The following ASTN2 variants were observed in gnomAD, a reference collection of about 807,000 sequenced individuals.
ASTN2 encodes the protein astrotactin-2.
A neutral mutation model predicts 139.8 loss-of-function variants in ASTN2; 54 were observed. The ratio of observed to expected loss-of-function variants is 0.39; its 90% CI spans 0.31 to 0.48. The LOEUF is 0.48. Among genes scored for constraint, ASTN2 ranks in the 20% least tolerant of loss-of-function variants. The pLI is 0.95. For missense variants in ASTN2, 1,565 were observed against 1,725.1 expected (o/e 0.91, Z 1.64); for synonymous variants, 756 against 719.5 (o/e 1.05, Z -0.81).
chr9:116,793,491 G>C (rs1371993990), intron 13 of ASTN2, among the ~76,000 whole-genome samples: 1 of 152,272 alleles, frequency 6.6e-6, no homozygotes, highest in East Asian at 1.9e-4. Flanking sequence ...CAAGAGCTAT[G>C]AGTAAGTGAA....
chr9:117,406,190 A>G lies in ASTN2; in HGVS notation c.442+8307T>C, dbSNP rs560437717. ...TAGCTGCTCACAGGGTACATAGGCA[A>G]ACAGCGTGAGACACATGAGGAAACA... On this transcript the variant is annotated intron_variant, in intron 1 of 22. Coordinates refer to ENST00000313400, the MANE Select transcript of ASTN2 (RefSeq NM_001365068.1). Among the ~76,000 whole-genome samples, 8 of 152,312 alleles carry G rather than the reference A, an allele frequency of 5.3e-5. No individual in the cohort carries two copies. The South Asian group carries it at 1.5e-3, about 28-fold the overall frequency.
intron 19 of ASTN2, among the ~76,000 whole-genome samples, chr9:116,522,949 C>T (rs1426305822): frequency 6.6e-6 from 1 of 152,164 alleles, no homozygotes; most frequent in African/African-American, 2.4e-5. Flanking sequence ...CTACGGCTAT[C>T]ATACCTTCCA....
At chr9:116,702,454 A>ACTGT (rs1401735124) in intron 16 of ASTN2, among the ~76,000 whole-genome samples, 1 of 151,968 alleles carries the variant, frequency 6.6e-6, no homozygotes, top group African/African-American at 2.4e-5. Flanking sequence ...CTTCCTTTCT[A>ACTGT]CTGTCTATTT....
At chr9:117,046,402 C>T (rs1441288000) in intron 5 of ASTN2, among the ~76,000 whole-genome samples, 1 of 152,096 alleles carries the variant, frequency 6.6e-6, no homozygotes, top group Non-Finnish European at 1.5e-5. Context: ...TTCAGTTTTC[C>T]TAATCTAAAA....
intron 4 of ASTN2, among the ~76,000 whole-genome samples, chr9:117,138,373 A>G (rs547758343): frequency 6.6e-6 from 1 of 152,156 alleles, no homozygotes; most frequent in Non-Finnish European, 1.5e-5. Flanking sequence ...AAGGAGAAGG[A>G]GGAACAAGTT....
intron 11 of ASTN2, among the ~76,000 whole-genome samples, chr9:116,845,901 C>T (rs1262526735): frequency 6.6e-6 from 1 of 152,010 alleles, no homozygotes; most frequent in East Asian, 1.9e-4. Flanking sequence ...AAAATAAAAT[C>T]CTAAAGAGAT....
In ASTN2 at chr9:116,509,731, GT is replaced by G. The variant is rs542559846; in HGVS notation, c.3356-22232del. 8.5e-4 allele frequency among the ~76,000 whole-genome samples: 130 copies of G among 152,164 alleles called. 1 individual carries two copies. In the South Asian group the frequency reaches 0.024, roughly 28 times the overall value. The stretch of plus-strand genomic sequence containing the variant: ...TGGTGTGAGATGGTATCTCATTGTG[GT>G]TTTGATTTGCATTTCTCTGATGGCT... On this transcript the variant is annotated intron_variant, in intron 19 of 22. Transcript: ENST00000313400.
At chr9:116,899,944 C>A (rs772398193) in intron 10 of ASTN2, among the ~76,000 whole-genome samples, 1 of 152,158 alleles carries the variant, frequency 6.6e-6, no homozygotes, top group Non-Finnish European at 1.5e-5. Context: ...CACCTAGGAA[C>A]TGACTCAGCA....
chr9:117,224,676 G>A (rs1378003311), intron 2 of ASTN2, among the ~76,000 whole-genome samples: 1 of 152,210 alleles, frequency 6.6e-6, no homozygotes, highest in Non-Finnish European at 1.5e-5. Context: ...GGTATTACAG[G>A]TGTAAATGCA....
intron 1 of ASTN2, among the ~76,000 whole-genome samples, chr9:117,387,952 G>C (rs1830443422): frequency 6.6e-6 from 1 of 152,126 alleles, no homozygotes; most frequent in Non-Finnish European, 1.5e-5. Flanking sequence ...AGATCATAGA[G>C]CCTAGTGGTA....
chr9:116,525,231 C>G (rs1851040075), intron 19 of ASTN2, among the ~76,000 whole-genome samples: 1 of 152,180 alleles, frequency 6.6e-6, no homozygotes, highest in Non-Finnish European at 1.5e-5. Context: ...GAACTTTGAA[C>G]TTTACATAAA....
At chr9:116,897,783 A>G (rs1015287773) in intron 10 of ASTN2, among the ~76,000 whole-genome samples, 1 of 152,104 alleles carries the variant, frequency 6.6e-6, no homozygotes, top group Non-Finnish European at 1.5e-5. Flanking sequence ...ACAAGCACAC[A>G]TTACAGCATT....
chr9:116,497,230 A>T (rs887614109), intron 19 of ASTN2, among the ~76,000 whole-genome samples: 2 of 152,228 alleles, frequency 1.3e-5, no homozygotes, highest in South Asian at 4.1e-4. Flanking sequence ...GCATGGCCCC[A>T]GAGGCATCTG....
intron 3 of ASTN2, among the ~76,000 whole-genome samples, chr9:117,178,113 A>G (rs942095755): frequency 7.9e-5 from 12 of 152,182 alleles, no homozygotes; most frequent in African/African-American, 2.9e-4. Context: ...TTGTTCTCTG[A>G]TAATCTCTCT....
At chr9:117,109,830 G>T (rs1470350994) in intron 4 of ASTN2, among the ~76,000 whole-genome samples, 1 of 152,120 alleles carries the variant, frequency 6.6e-6, no homozygotes, top group African/African-American at 2.4e-5. Context: ...GCCTTTCCGG[G>T]AGTATTCTCA....
At chr9:117,399,769 C>A (rs895670735) in intron 1 of ASTN2, among the ~76,000 whole-genome samples, 11 of 152,194 alleles carry the variant, frequency 7.2e-5, no homozygotes, top group Admixed American at 1.3e-4. Context: ...GCAGAGATGC[C>A]AAGGTTTTCG....
At chr9:117,133,741 C>T (rs576602989) in intron 4 of ASTN2, among the ~76,000 whole-genome samples, 1 of 152,130 alleles carries the variant, frequency 6.6e-6, no homozygotes, top group African/African-American at 2.4e-5. Context: ...GAGGTATGCA[C>T]GACTTTCATT....
intron 6 of ASTN2, among the ~76,000 whole-genome samples, chr9:117,020,966 G>A (rs1343021968): frequency 1.3e-5 from 2 of 152,094 alleles, no homozygotes; most frequent in Non-Finnish European, 2.9e-5. Flanking sequence ...GGGGTGCAGT[G>A]GAGCAATCAT....
chr9:116,698,036 C>T lies in ASTN2; in HGVS notation c.2806+27735G>A, dbSNP rs763779010. ...GGCTCAGCGAGGCTGTGGGGCTGCT[C>T]ATGTGTCGGTCCTGTGGGCGGCGTC... On this transcript the variant is annotated intron_variant, in intron 16 of 22. Transcript: ENST00000313400. This position sits in a 1 kb window ranked among gnomAD's most constrained non-coding sequence, Gnocchi z 4.4. The T allele has an allele frequency of 1.2e-6, 2 of 1,614,020 alleles. No individual in the cohort carries two copies. Among genetic ancestry groups the T allele is most frequent in the Non-Finnish European group, 1.7e-6 (2 of 1,180,040 alleles).
Sources: allele counts gnomAD v4.1 joint callset (sites outside exome capture counted in the v4.1 genomes callset), GRCh38; gene constraint gnomAD v4.1.1; non-coding constraint Gnocchi (gnomAD v3.1); transcripts MANE v1.5; gene names NCBI Gene and HGNC (gene_info 2026-07-23, HGNC 2026-07-21).